ARHGEF28: variants seen among roughly 807,000 people sequenced by gnomAD.
ARHGEF28 encodes 190 kDa guanine nucleotide exchange factor.
In ARHGEF28, 152 loss-of-function variants were observed where a neutral mutation model predicts 206.6. That is an observed-to-expected ratio of 0.74 (90% CI 0.64 to 0.84). The LOEUF is 0.84. Ranked by LOEUF, ARHGEF28 falls within the 40% of genes least tolerant of loss-of-function variation. ARHGEF28 has a pLI of 0.00. For missense variants in ARHGEF28, 2,028 were observed against 2,073.2 expected (o/e 0.98, Z 0.42); for synonymous variants, 763 against 776.4 (o/e 0.98, Z 0.29).
chr5:73,789,950 C>T (rs1754373303), intron 7 of ARHGEF28, among the ~76,000 whole-genome samples: 2 of 152,098 alleles, frequency 1.3e-5, no homozygotes, highest in African/African-American at 4.8e-5. Flanking sequence ...CCTTCATCCC[C>T]AGGGGAAACA....
intron 1 of ARHGEF28, among the ~76,000 whole-genome samples, chr5:73,675,277 T>C (rs1258798636): frequency 1.3e-5 from 2 of 152,182 alleles, no homozygotes; most frequent in Admixed American, 6.5e-5. Context: ...CTGAAGCATG[T>C]TGTGAGATTA....
At chr5:73,905,615 A>T (rs1244594642) in intron 33 of ARHGEF28, among the ~76,000 whole-genome samples, 1 of 152,182 alleles carries the variant, frequency 6.6e-6, no homozygotes, top group Non-Finnish European at 1.5e-5. Context: ...TGTAACATGT[A>T]ACTTTCTCTG....
intron 16 of ARHGEF28, among the ~76,000 whole-genome samples, chr5:73,858,867 A>C (rs1451043983): frequency 6.6e-6 from 1 of 152,176 alleles, no homozygotes; most frequent in Non-Finnish European, 1.5e-5. Context: ...GCTTACAATG[A>C]CAGCAAGTTC....
At chr5:73,939,078 T>A (rs886795988) in intron 35 of ARHGEF28, among the ~76,000 whole-genome samples, 1 of 151,924 alleles carries the variant, frequency 6.6e-6, no homozygotes, top group African/African-American at 2.4e-5. Context: ...CAAAGAGAAA[T>A]GAGAAGCACG....
At chr5:73,650,277 CTTTTTTTTTTTTT>C (rs138217794) in intron 1 of ARHGEF28, among the ~76,000 whole-genome samples, 25 of 94,030 alleles carry the variant, frequency 2.7e-4, no homozygotes, top group South Asian at 7.4e-4. Flanking sequence ...TTCTTTCTTT[CTTTTTTTTTTTTT>C]TTTTTTTTTT....
intron 9 of ARHGEF28, chr5:73,813,633 C>G (rs928658123): frequency 3.9e-6 from 6 of 1,535,876 alleles, no homozygotes; most frequent in Non-Finnish European, 4.4e-6. Context: ...CGTGGCCTTC[C>G]TTTCCCAAAA....
chr5:73,804,089 A>C (rs1204479172), intron 9 of ARHGEF28, among the ~76,000 whole-genome samples: 2 of 150,870 alleles, frequency 1.3e-5, no homozygotes, highest in Non-Finnish European at 3.0e-5. Flanking sequence ...TGTCAAAAAA[A>C]AAAAAAAAAA....
intron 13 of ARHGEF28, among the ~76,000 whole-genome samples, chr5:73,849,943 C>T (rs1320669698): frequency 5.9e-5 from 9 of 151,680 alleles, no homozygotes. Flanking sequence ...TGTCTATTAT[C>T]CTTAAGGGAC....
In ARHGEF28 at chr5:73,773,963, C is replaced by G. The variant is rs1169173195; in HGVS notation, c.584C>G (p.Pro195Arg). The G allele has an allele frequency of 1.9e-6, 3 of 1,607,004 alleles. No individual in the cohort carries two copies. In the East Asian group the frequency reaches 6.7e-5, roughly 36 times the overall value. The change falls in exon 5 of 36, where the codon CCC becomes CGC. Residue 195 changes from proline to arginine, a missense_variant. Physicochemically the swap from Pro to Arg is moderately radical, Grantham distance 103 (BLOSUM62 -2). Transcript: ENST00000513042. ...LPGGVQALAL[P>R]NEEGATPLDL... Reference sequence around the variant, plus strand: ...GGGGGAGTCCAGGCCTTGGCTTTACCCAACGAAGAGGGTGCCACACCATTA... The same window carrying G: ...GGGGGAGTCCAGGCCTTGGCTTTACGCAACGAAGAGGGTGCCACACCATTA...
chr5:73,682,477 G>A (rs1223149781), intron 1 of ARHGEF28, among the ~76,000 whole-genome samples: 1 of 150,980 alleles, frequency 6.6e-6, no homozygotes, highest in South Asian at 2.1e-4. Context: ...GAGTACAATG[G>A]CACAATCTGA....
intron 2 of ARHGEF28, among the ~76,000 whole-genome samples, chr5:73,720,765 A>G (rs931701868): frequency 6.6e-6 from 1 of 152,212 alleles, no homozygotes; most frequent in African/African-American, 2.4e-5. Context: ...TGCTCCTTAC[A>G]AATGGCACAT....
At chr5:73,843,511 C>A (rs995129612) in intron 11 of ARHGEF28, among the ~76,000 whole-genome samples, 1 of 152,130 alleles carries the variant, frequency 6.6e-6, no homozygotes, top group African/African-American at 2.4e-5. Flanking sequence ...ATAACAAACT[C>A]AAAGTGAAAT....
chr5:73,675,994 G>A (rs1746650697), intron 1 of ARHGEF28, among the ~76,000 whole-genome samples: 2 of 151,688 alleles, frequency 1.3e-5, no homozygotes, highest in Non-Finnish European at 2.9e-5. Context: ...AATTAAGGAG[G>A]GGGGTGTGAA....
At chr5:73,791,977 A>G (rs138094796) in intron 7 of ARHGEF28, among the ~76,000 whole-genome samples, 1,836 of 152,292 alleles carry the variant, frequency 0.012, 14 homozygotes, top group Non-Finnish European at 0.016. Context: ...ACAGTGGGTT[A>G]GTGTAAAAGG....
At chr5:73,650,658 A>G (rs1744756162) in intron 1 of ARHGEF28, among the ~76,000 whole-genome samples, 1 of 149,086 alleles carries the variant, frequency 6.7e-6, no homozygotes. Context: ...TTTTTTTTTG[A>G]CAATGTCTCA....
At chr5:73,927,193 A>C (rs1763863625) in intron 35 of ARHGEF28, among the ~76,000 whole-genome samples, 1 of 150,144 alleles carries the variant, frequency 6.7e-6, no homozygotes, top group South Asian at 2.1e-4. Context: ...AGAGCCCATC[A>C]CTAAAAAAAA....
At chr5:73,850,053 CCT>C (rs765616410) in intron 13 of ARHGEF28, among the ~76,000 whole-genome samples, 1 of 130,260 alleles carries the variant, frequency 7.7e-6, no homozygotes, top group Non-Finnish European at 1.6e-5. Flanking sequence ...TATTTTATTC[CCT>C]CTCTTTTTTC....
chr5:73,881,879 A>T (rs147071484), intron 22 of ARHGEF28, among the ~76,000 whole-genome samples: 1 of 152,350 alleles, frequency 6.6e-6, no homozygotes, highest in East Asian at 1.9e-4. Context: ...TTAGCTAATA[A>T]ACAGGCATTC....
At chr5:73,885,162 C>T (rs1283303357) in intron 24 of ARHGEF28, among the ~76,000 whole-genome samples, 2 of 152,162 alleles carry the variant, frequency 1.3e-5, no homozygotes, top group Admixed American at 6.5e-5. Context: ...GGCTCATTCA[C>T]ATAACCCTGT....
Sources: gnomAD v4.1 joint callset for allele counts (sites outside exome capture counted in the v4.1 genomes callset) on GRCh38, gnomAD v4.1.1 for gene constraint, MANE v1.5 for transcripts, NCBI Gene and HGNC (gene_info 2026-07-23, HGNC 2026-07-21) for gene names.